FOCAD: variants seen among roughly 807,000 people sequenced by gnomAD.
The protein encoded by FOCAD is KIAA1797.
Under a neutral mutation model 225.6 loss-of-function variants are expected in FOCAD, and 198 were observed. That is an observed-to-expected ratio of 0.88 (90% confidence interval 0.78 to 0.99). The LOEUF (loss-of-function observed/expected upper bound fraction) is 0.99. FOCAD is among the 50% of genes least tolerant of loss of function. The pLI is 0.00. For synonymous variants in FOCAD, 897 were observed against 755.0 expected, an observed-to-expected ratio of 1.19 and a Z score of -3.08; for missense variants, 2,713 against 2,123.6, an observed-to-expected ratio of 1.28 and a Z score of -5.46.
Position 20,845,151 on chromosome 9 carries a change from C to A in FOCAD, c.1921-17427C>A, listed in dbSNP as rs141386439. The stretch of plus-strand genomic sequence containing the variant: ...ACAATCCCTCCCTCACTGACTCAAT[C>A]AGTTTCTACTTATTAGAATATGCAT... On this transcript the variant is annotated intron_variant, in intron 15 of 43. Transcript: ENST00000338382. Among the ~76,000 whole-genome samples the A allele has an allele frequency of 3.9e-3, 597 of 152,120 alleles. 5 individuals are homozygous for A. Among genetic ancestry groups the A allele is most frequent in the African/African-American group, 0.014 (574 of 41,506 alleles).
intron 24 of FOCAD, among the ~76,000 whole-genome samples, chr9:20,917,878 T>G (rs1214347509): frequency 1.3e-5 from 2 of 152,242 alleles, no homozygotes; most frequent in Non-Finnish European, 2.9e-5. Flanking sequence ...AAGTCTGATC[T>G]CAGCAGATTA....
At chr9:20,816,244 GTC>G (rs1408520875) in intron 11 of FOCAD, among the ~76,000 whole-genome samples, 4 of 152,254 alleles carry the variant, frequency 2.6e-5, no homozygotes, top group Middle Eastern at 3.4e-3. Context: ...TTTATAAAAT[GTC>G]AGTAAATATA....
At chr9:20,708,975 C>T (rs577513983) in intron 1 of FOCAD, among the ~76,000 whole-genome samples, 4 of 152,156 alleles carry the variant, frequency 2.6e-5, no homozygotes, top group African/African-American at 9.6e-5. Context: ...TGTTAGATTT[C>T]CTCTTGCTTT....
chr9:20,820,797 A>T, intron 13 of FOCAD, 144 bp from the exon 14 acceptor site: 1 of 875,932 alleles, frequency 1.1e-6, no homozygotes, highest in Non-Finnish European at 1.8e-6. Flanking sequence ...TCACTATAGC[A>T]ATCTTCTCTG....
At chr9:20,833,238 C>T (rs1401464764) in intron 15 of FOCAD, among the ~76,000 whole-genome samples, 1 of 151,774 alleles carries the variant, frequency 6.6e-6, no homozygotes, top group African/African-American at 2.4e-5. Context: ...TTTGAATTTC[C>T]CTCATGATTA....
chr9:20,862,429 G>C (rs1265937366), intron 15 of FOCAD, 149 bp from the exon 16 acceptor site: 3 of 740,220 alleles, frequency 4.1e-6, no homozygotes, highest in African/African-American at 3.6e-5. Flanking sequence ...TATTTCATTT[G>C]AGGGGTGGTA....
chr9:20,898,966 T>C (rs1002855006), intron 21 of FOCAD, among the ~76,000 whole-genome samples: 1 of 151,904 alleles, frequency 6.6e-6, no homozygotes, highest in Non-Finnish European at 1.5e-5. Flanking sequence ...TTTTTCTCTT[T>C]TTTAATTCCT....
intron 15 of FOCAD, among the ~76,000 whole-genome samples, chr9:20,856,875 T>A (rs1266694769): frequency 6.6e-6 from 1 of 152,088 alleles, no homozygotes; most frequent in African/African-American, 2.4e-5. Flanking sequence ...TCTTGGCACC[T>A]TTGTCAAAAA....
chr9:20,921,984 C>G (rs1407733364), intron 24 of FOCAD, among the ~76,000 whole-genome samples: 2 of 152,142 alleles, frequency 1.3e-5, no homozygotes, highest in Non-Finnish European at 2.9e-5. Flanking sequence ...AAATTTAGAA[C>G]TGTTTTTAAA....
chr9:20,990,937 G>C (rs1483138911), intron 42 of FOCAD, among the ~76,000 whole-genome samples: 1 of 152,138 alleles, frequency 6.6e-6, no homozygotes, highest in Non-Finnish European at 1.5e-5. Context: ...TGTGCTAGAT[G>C]CCAAACAGAG....
At chr9:20,851,404 G>A (rs1827643690) in intron 15 of FOCAD, among the ~76,000 whole-genome samples, 1 of 151,696 alleles carries the variant, frequency 6.6e-6, no homozygotes, top group African/African-American at 2.4e-5. Context: ...AGAGCAGTGC[G>A]GAAGGTTAAA....
Position 20,781,713 on chromosome 9 carries a change from G to GT in FOCAD, c.995-10dup. On this transcript the variant is annotated splice_polypyrimidine_tract_variant and intron_variant, in intron 9 of 43. Coordinates refer to ENST00000338382, the MANE Select transcript of FOCAD (RefSeq NM_001375567.1). The stretch of plus-strand genomic sequence containing the variant: ...TTAATTTTTAAAAATGTGCATTATT[G>GT]TTTTGATGAATAGCTTTGAAGCTCC... 6.2e-7 allele frequency: 1 copy of GT among 1,611,586 alleles called. No individual in the cohort carries two copies.
intron 11 of FOCAD, among the ~76,000 whole-genome samples, chr9:20,816,812 G>T (rs537121908): frequency 2.6e-5 from 4 of 151,868 alleles, no homozygotes; most frequent in Non-Finnish European, 4.4e-5. Context: ...TAAGAATTTA[G>T]CAATAAAGAT....
chr9:20,984,085 G>A (rs1011071016), intron 39 of FOCAD, among the ~76,000 whole-genome samples: 3 of 152,166 alleles, frequency 2.0e-5, no homozygotes, highest in Non-Finnish European at 4.4e-5. Flanking sequence ...AAAAGAGTTA[G>A]TCTGCTTCAG....
chr9:20,742,162 A>G (rs1262411055), intron 5 of FOCAD, among the ~76,000 whole-genome samples: 1 of 152,200 alleles, frequency 6.6e-6, no homozygotes, highest in Admixed American at 6.5e-5. Flanking sequence ...ATGCTTCCCA[A>G]CATTGGTGCC....
intron 3 of FOCAD, among the ~76,000 whole-genome samples, chr9:20,719,731 GA>G (rs1262425295): frequency 6.7e-6 from 1 of 150,342 alleles, no homozygotes; most frequent in African/African-American, 2.4e-5. Context: ...CACAGTGTGA[GA>G]GGGGGAAAGT....
intron 11 of FOCAD, among the ~76,000 whole-genome samples, chr9:20,801,385 T>TAA (rs1191380960): frequency 1.3e-5 from 2 of 152,170 alleles, no homozygotes; most frequent in East Asian, 3.9e-4. Flanking sequence ...ATTATGTGTG[T>TAA]AATTAGGGCT....
chr9:20,777,087 G>GT (rs889637524), intron 8 of FOCAD, among the ~76,000 whole-genome samples: 5 of 150,306 alleles, frequency 3.3e-5, no homozygotes, highest in African/African-American at 7.3e-5. Context: ...TTCTTTTGTT[G>GT]TTTTTTTTCA....
chr9:20,872,484 G>A (rs1410799148), intron 18 of FOCAD, among the ~76,000 whole-genome samples: 1 of 146,904 alleles, frequency 6.8e-6, no homozygotes, highest in East Asian at 2.0e-4. Context: ...ACTTTTCCCC[G>A]ACTCCCCACC....
Sources: allele counts gnomAD v4.1 joint callset (sites outside exome capture counted in the v4.1 genomes callset), GRCh38; gene constraint gnomAD v4.1.1; transcripts MANE v1.5; gene names NCBI Gene and HGNC (gene_info 2026-07-23, HGNC 2026-07-21).